The following FGGY variants were observed in gnomAD, a reference collection of about 807,000 sequenced individuals.
The protein encoded by FGGY is FGGY carbohydrate kinase domain-containing protein.
In FGGY, 72 loss-of-function variants were observed where a neutral mutation model predicts 71.3. The observed-to-expected ratio is 1.01, with a 90% CI of 0.84 to 1.23. The LOEUF is 1.23. Among genes scored for constraint, FGGY ranks in the 50% most tolerant of loss-of-function variants. The pLI is 0.00. For missense variants in FGGY, 668 were observed against 682.3 expected, an observed-to-expected ratio of 0.98 and a Z score of 0.23; for synonymous variants, 251 against 250.3, an observed-to-expected ratio of 1.00 and a Z score of -0.02.
chr1:59,655,917 G>A (rs995659030), intron 11 of FGGY, among the ~76,000 whole-genome samples: 1 of 152,028 alleles, frequency 6.6e-6, no homozygotes, highest in Non-Finnish European at 1.5e-5. Flanking sequence ...TTAAACCCAG[G>A]TGCCTTCCTC....
intron 6 of FGGY, among the ~76,000 whole-genome samples, chr1:59,469,567 G>A (rs1010794250): frequency 6.6e-6 from 1 of 152,076 alleles, no homozygotes; most frequent in Non-Finnish European, 1.5e-5. Flanking sequence ...ATGACTTTTT[G>A]TTTTAATATG....
At chr1:59,536,135 G>A (rs1377394562) in intron 7 of FGGY, among the ~76,000 whole-genome samples, 1 of 151,680 alleles carries the variant, frequency 6.6e-6, no homozygotes, top group African/African-American at 2.4e-5. Context: ...AATAAAAAAT[G>A]ATAAAGGGGA....
intron 4 of FGGY, among the ~76,000 whole-genome samples, chr1:59,349,650 T>C (rs2052846190): frequency 6.6e-6 from 1 of 152,234 alleles, no homozygotes; most frequent in African/African-American, 2.4e-5. Context: ...TTCAGAATTT[T>C]CTGAGTAAGC....
chr1:59,588,396 C>T (rs981782889), intron 8 of FGGY, among the ~76,000 whole-genome samples: 6 of 151,904 alleles, frequency 3.9e-5, no homozygotes, highest in Middle Eastern at 3.2e-3. Context: ...GAGAACTTCC[C>T]CAATCTAGCA....
intron 4 of FGGY, among the ~76,000 whole-genome samples, chr1:59,365,461 C>T (rs780265314): frequency 1.3e-5 from 2 of 152,210 alleles, no homozygotes; most frequent in African/African-American, 2.4e-5. Context: ...CCCTCTCTCC[C>T]ATAGATGGTA....
At chr1:59,296,589 G>T (rs1391933006), upstream of FGGY, 1 of 152,458 alleles carries the variant, frequency 6.6e-6, no homozygotes, top group Non-Finnish European at 1.5e-5. Flanking sequence ...TGCAGCCGCG[G>T]GGTGGGCAGG....
intron 4 of FGGY, among the ~76,000 whole-genome samples, chr1:59,364,205 T>C (rs1229162444): frequency 6.6e-6 from 1 of 152,134 alleles, no homozygotes; most frequent in Non-Finnish European, 1.5e-5. Context: ...CCCCTCTCCA[T>C]TGGTACTTGG....
At position 59,370,708 on chromosome 1, in the gene FGGY, T is replaced by C. The variant is rs1378939517; in HGVS notation, c.466-8041T>C. On this transcript the variant is annotated intron_variant, in intron 4 of 15. Transcript: ENST00000303721. ...GCCCATCAGACTAACAGCGGATCTC[T>C]TGGCAGAAACTCTACAAGCCAGAAG... Among the ~76,000 whole-genome samples the C allele has an allele frequency of 1.3e-5, 2 of 151,794 alleles. 1 individual carries two copies. The highest frequency in any genetic ancestry group is 1.3e-4 in the Admixed American group (2 of 15,238).
rs754831417 is a variant in FGGY, at chr1:59,542,445, C to CTTTTTTTTTTTTTTTTTTTT, written c.800-11667_800-11648dup. Among the ~76,000 whole-genome samples the CTTTTTTTTTTTTTTTTTTTT allele has an allele frequency of 8.8e-5, 3 of 34,258 alleles. 1 individual carries two copies. Among genetic ancestry groups the CTTTTTTTTTTTTTTTTTTTT allele is most frequent in the Non-Finnish European group, 1.1e-4 (2 of 17,784 alleles). The allele number at this position is 34,258 out of a possible 152,430, so 22.5% of individuals were successfully genotyped here. On this transcript the variant is annotated intron_variant, in intron 7 of 15. Transcript: ENST00000303721. ...GCCAAGACTATATGTATGTTCTTTA[C>CTTTTTTTTTTTTTTTTTTTT]TTTTTTTTTTTTTTTTTTTTTTTTT... is the stretch of plus-strand genomic sequence containing the variant.
At chr1:59,577,255 G>A (rs1459560701) in intron 8 of FGGY, among the ~76,000 whole-genome samples, 2 of 152,118 alleles carry the variant, frequency 1.3e-5, no homozygotes, top group African/African-American at 4.8e-5. Context: ...AACTTTATTT[G>A]AACTGAAGCC....
intron 5 of FGGY, among the ~76,000 whole-genome samples, chr1:59,416,519 C>T (rs952490050): frequency 2.0e-5 from 3 of 152,256 alleles, no homozygotes; most frequent in African/African-American, 7.2e-5. Context: ...ACCATATATC[C>T]ATTTGACAGT....
intron 7 of FGGY, among the ~76,000 whole-genome samples, chr1:59,521,711 A>C (rs1199832060): frequency 1.3e-5 from 2 of 152,214 alleles, no homozygotes; most frequent in African/African-American, 4.8e-5. Context: ...TATTACTTTC[A>C]GAGTCAAATT....
intron 8 of FGGY, among the ~76,000 whole-genome samples, chr1:59,591,939 G>A (rs968875311): frequency 1.3e-5 from 2 of 152,134 alleles, no homozygotes; most frequent in Non-Finnish European, 2.9e-5. Context: ...ATTGACAAAT[G>A]GGATCTCATT....
At chr1:59,627,682 A>C (rs1174715418) in intron 10 of FGGY, among the ~76,000 whole-genome samples, 1 of 151,802 alleles carries the variant, frequency 6.6e-6, no homozygotes, top group Non-Finnish European at 1.5e-5. Flanking sequence ...CCATTTCTCC[A>C]ATAAAAGTAA....
At chr1:59,441,359 A>T (rs914770613) in intron 5 of FGGY, among the ~76,000 whole-genome samples, 3 of 152,176 alleles carry the variant, frequency 2.0e-5, no homozygotes, top group Admixed American at 6.5e-5. Flanking sequence ...AAGAACCAAG[A>T]ATTTGATTCT....
At chr1:59,330,017 A>G (rs2048164586) in intron 2 of FGGY, among the ~76,000 whole-genome samples, 2 of 152,096 alleles carry the variant, frequency 1.3e-5, no homozygotes, top group Admixed American at 6.6e-5. Context: ...ACCACCTCCA[A>G]CTAAGTCTTA....
intron 3 of FGGY, among the ~76,000 whole-genome samples, chr1:59,344,759 A>C (rs142239203): frequency 6.6e-6 from 1 of 152,146 alleles, no homozygotes; most frequent in African/African-American, 2.4e-5. Flanking sequence ...TTGTTATACT[A>C]TATTGTTTAG....
At chr1:59,750,072 A>G (rs2098232477) in intron 14 of FGGY, among the ~76,000 whole-genome samples, 1 of 152,210 alleles carries the variant, frequency 6.6e-6, no homozygotes, top group Non-Finnish European at 1.5e-5. Context: ...AGTAGATATT[A>G]TTATTCCCAC....
At position 59,546,330 on chromosome 1, in the gene FGGY, A is replaced by G. The variant is rs531993518; in HGVS notation, c.800-7794A>G. 2.0e-4 allele frequency among the ~76,000 whole-genome samples: 29 copies of G among 142,738 alleles called. No individual in the cohort carries two copies. In the East Asian group the frequency reaches 3.9e-3, roughly 19 times the overall value. 93.6% of individuals were successfully genotyped at this position (142,738 alleles called of 152,430 possible). A position where few individuals can be genotyped will look rare whatever the true frequency, so the allele number is the denominator to read the frequency against. On this transcript the variant is annotated intron_variant, in intron 7 of 15. Transcript: ENST00000303721. ...TCCAGTGCCCTTGCTTTGAACCATT[A>G]CGCCCTAACTAGTTCATATATCTAG...
Sources: gnomAD v4.1 joint callset for allele counts (sites outside exome capture counted in the v4.1 genomes callset) on GRCh38, gnomAD v4.1.1 for gene constraint, MANE v1.5 for transcripts, NCBI Gene and HGNC (gene_info 2026-07-23, HGNC 2026-07-21) for gene names.